YLPM1: variants seen among roughly 807,000 people sequenced by gnomAD.
YLPM1 encodes YLP motif containing 1.
Under a neutral mutation model 230.0 loss-of-function variants are expected in YLPM1, and 99 were observed. The ratio of observed to expected loss-of-function variants is 0.43; its 90% confidence interval spans 0.37 to 0.51. The LOEUF is 0.51. Among genes scored for constraint, YLPM1 ranks in the 20% least tolerant of loss-of-function variants. The pLI, the probability that YLPM1 is intolerant of heterozygous loss-of-function variation, is 0.00. For synonymous variants in YLPM1, 984 were observed against 942.5 expected (o/e 1.04, Z -0.81); for missense variants, 2,592 against 2,707.7 (o/e 0.96, Z 0.95).
At chr14:74,765,366 G>A (rs2090901951) in intron 1 of YLPM1, among the ~76,000 whole-genome samples, 1 of 152,110 alleles carries the variant, frequency 6.6e-6, no homozygotes, top group Non-Finnish European at 1.5e-5. Context: ...CAAAAGATAG[G>A]GATGCAGTAT....
Position 74,827,339 on chromosome 14 carries a change from C to T in YLPM1, c.6164-1874C>T, listed in dbSNP as rs2091572421. 7.1e-6 allele frequency: 7 copies of T among 985,284 alleles called. No homozygotes were observed. The Admixed American group carries it at 4.3e-4, about 61-fold the overall frequency. The allele number at this position is 985,284 out of a possible 1,614,324, so 61.0% of individuals were successfully genotyped here. Reference sequence around the variant, plus strand: ...ACACCCCAGATTTCTTTCCCCTCACCTTATGCCATCCATCTGTGTGTTTGG... The same window carrying T: ...ACACCCCAGATTTCTTTCCCCTCACTTTATGCCATCCATCTGTGTGTTTGG... On this transcript the variant is annotated intron_variant, in intron 18 of 20. Coordinates refer to ENST00000325680, the MANE Select transcript of YLPM1 (RefSeq NM_019589.3).
chr14:74,811,483 C>CAAA, intron 9 of YLPM1, 137 bp from the exon 10 acceptor site: 1 of 463,488 alleles, frequency 2.2e-6, no homozygotes, highest in Admixed American at 4.1e-5. Context: ...ACCCCAATCT[C>CAAA]AAAAAAAAAA....
intron 1 of YLPM1, among the ~76,000 whole-genome samples, chr14:74,767,198 TA>T (rs1278240095): frequency 1.3e-5 from 2 of 152,188 alleles, no homozygotes; most frequent in African/African-American, 2.4e-5. Context: ...CTTTCTTAGA[TA>T]AACACATTGT....
At chr14:74,784,749 C>T (rs192401835) in intron 4 of YLPM1, among the ~76,000 whole-genome samples, 15 of 152,352 alleles carry the variant, frequency 9.8e-5, no homozygotes, top group Non-Finnish European at 1.5e-4. Flanking sequence ...GCCTCTTCTA[C>T]AGCATGTCAC....
intron 6 of YLPM1, among the ~76,000 whole-genome samples, chr14:74,806,885 A>G (rs1380452011): frequency 6.6e-6 from 1 of 151,994 alleles, no homozygotes; most frequent in African/African-American, 2.4e-5. Context: ...TAATTTTAAA[A>G]AATGTATCTT....
Position 74,781,928 on chromosome 14 carries a change from C to T in YLPM1, c.1885C>T (p.Pro629Ser), listed in dbSNP as rs755599125. 3 of 1,613,882 alleles carry T rather than the reference C, an allele frequency of 1.9e-6. No individual in the cohort carries two copies. The highest frequency in any genetic ancestry group is 2.2e-5 in the East Asian group (1 of 44,886). Reference sequence around the variant, plus strand: ...CCTCCCACCATTGTCTTCAGCTACACCTCCTCCAGGAATACCTCCCCCTGG... The same window carrying T: ...CCTCCCACCATTGTCTTCAGCTACATCTCCTCCAGGAATACCTCCCCCTGG... ...MPLPPLSSAT[P>S]PPGIPPPGVP... The change falls in exon 4 of 21, where the codon CCT becomes TCT. Residue 629 changes from proline (P) to serine (S), a missense_variant. By Grantham distance (74) the Pro-to-Ser change is moderately conservative. Around this residue, in one of 4 missense-constraint regions of YLPM1, gnomAD observed 1,862 missense variants for 1,819.8 expected, o/e 1.02. Transcript: ENST00000325680.
chr14:74,818,170 A>G, intron 15 of YLPM1, 61 bp from the exon 16 acceptor site: 1 of 1,013,114 alleles, frequency 9.9e-7, no homozygotes, highest in Non-Finnish European at 1.4e-6. Flanking sequence ...TTTATCTTGG[A>G]TGCTTACTTG....
At chr14:74,772,547 CA>C (rs2090988438) in intron 1 of YLPM1, among the ~76,000 whole-genome samples, 1 of 151,886 alleles carries the variant, frequency 6.6e-6, no homozygotes, top group South Asian at 2.1e-4. Flanking sequence ...TTAGTAGAGA[CA>C]GGGTTTCACC....
rs919462730 is a variant in YLPM1, at chr14:74,812,912, T to G, written c.5502+130T>G. 17 of 1,210,176 alleles carry G rather than the reference T, an allele frequency of 1.4e-5. No homozygotes were observed. In the African/African-American group the frequency reaches 2.6e-4, roughly 19 times the overall value. The allele number at this position is 1,210,176 out of a possible 1,614,324, so 75.0% of individuals were successfully genotyped here. ...ATCAGATTCAAGACGTTTTACTATC[T>G]CTAAATCACCATATAATCTCATAAA... On this transcript the variant is annotated intron_variant, in intron 11 of 20. Coordinates refer to ENST00000325680, the MANE Select transcript of YLPM1 (RefSeq NM_019589.3).
intron 5 of YLPM1, among the ~76,000 whole-genome samples, chr14:74,801,340 A>G (rs747783676): frequency 1.3e-5 from 2 of 152,194 alleles, no homozygotes; most frequent in Non-Finnish European, 2.9e-5. Context: ...TACACACTTG[A>G]CCCTTACTTT....
intron 4 of YLPM1, among the ~76,000 whole-genome samples, chr14:74,791,030 T>A (rs1049242375): frequency 1.3e-5 from 2 of 152,118 alleles, no homozygotes; most frequent in African/African-American, 2.4e-5. Context: ...TTACTTGAGC[T>A]CAGGAATTTG....
rs756241435 is a variant in YLPM1, at chr14:74,809,548, C to A, written c.4690C>A (p.Pro1564Thr). ...ACCTCCTCCTCCTCCAGTGATAAAG[C>A]CACAAACTTCAGCTGTAGAACAGGA... ...PLPPPPPVIK[P>T]QTSAVEQERW... Residue 1564 changes from proline (P) to threonine (T), a missense_variant, in exon 7 of 21, where the codon CCA becomes ACA. Transcript: ENST00000325680. 5.6e-6 allele frequency: 9 copies of A among 1,601,472 alleles called. No homozygotes were observed. Among genetic ancestry groups the A allele is most frequent in the Non-Finnish European group, 7.7e-6 (9 of 1,173,458 alleles).
intron 18 of YLPM1, 108 bp from the exon 19 acceptor site, chr14:74,829,105 A>C: frequency 1.5e-6 from 2 of 1,339,960 alleles, no homozygotes; most frequent in Non-Finnish European, 2.0e-6. Flanking sequence ...GCACTCAAAA[A>C]TGTGGATATG....
At chr14:74,764,397 CT>C in intron 1 of YLPM1, 35 bp downstream of exon 1, 1 of 1,546,202 alleles carries the variant, frequency 6.5e-7, no homozygotes, top group Non-Finnish European at 8.7e-7. Flanking sequence ...CATCTTTCAC[CT>C]AGAGGGCCCT....
At chr14:74,770,846 G>T (rs1402135652) in intron 1 of YLPM1, among the ~76,000 whole-genome samples, 1 of 152,214 alleles carries the variant, frequency 6.6e-6, no homozygotes, top group Admixed American at 6.5e-5. Flanking sequence ...TCTGCTTGCA[G>T]TGTGGAGAGC....
chr14:74,804,676 C>T (rs1483215260), intron 6 of YLPM1, among the ~76,000 whole-genome samples: 1 of 152,166 alleles, frequency 6.6e-6, no homozygotes, highest in East Asian at 1.9e-4. Context: ...ACATCTTGTA[C>T]TAGTCTTTGT....
chr14:74,817,412 T>A, intron 15 of YLPM1, 135 bp downstream of exon 15: 1 of 828,380 alleles, frequency 1.2e-6, no homozygotes, highest in Non-Finnish European at 1.8e-6. Flanking sequence ...TGTGTTTAGA[T>A]ATGTTTAAGT....
In YLPM1 at chr14:74,817,180, T is replaced by A; in HGVS notation, c.5863-14T>A. Reference sequence around the variant, plus strand: ...TTATATATCTTTGCCTAATTATTATTCATTCTTGCTTAGGTATATTTGGCT... The same window carrying A: ...TTATATATCTTTGCCTAATTATTATACATTCTTGCTTAGGTATATTTGGCT... On this transcript the variant is annotated splice_polypyrimidine_tract_variant and intron_variant, in intron 14 of 20. Coordinates refer to ENST00000325680, the MANE Select transcript of YLPM1 (RefSeq NM_019589.3). 4 of 1,597,470 alleles carry A rather than the reference T, an allele frequency of 2.5e-6. No individual in the cohort carries two copies. The highest frequency in any genetic ancestry group is 3.4e-6 in the Non-Finnish European group (4 of 1,171,748).
chr14:74,814,414 T>C (rs1469617777), intron 11 of YLPM1, among the ~76,000 whole-genome samples: 1 of 152,228 alleles, frequency 6.6e-6, no homozygotes, highest in Non-Finnish European at 1.5e-5. Flanking sequence ...ATGCACTTCA[T>C]TAGGTTGAGA....
Sources: allele counts gnomAD v4.1 joint callset (sites outside exome capture counted in the v4.1 genomes callset), GRCh38; gene constraint gnomAD v4.1.1; regional missense constraint gnomAD v4.1.1; transcripts MANE v1.5; gene names NCBI Gene and HGNC (gene_info 2026-07-23, HGNC 2026-07-21).